Variants in SDK2 observed in about 807,000 individuals in gnomAD.
SDK2 encodes the protein protein sidekick-2.
In SDK2, 105 loss-of-function variants were observed where a neutral mutation model predicts 253.9. That is an observed-to-expected ratio of 0.41 (90% CI 0.35 to 0.49). The LOEUF is 0.49. Ranked by LOEUF, SDK2 falls within the 20% of genes least tolerant of loss-of-function variation. The pLI is 0.06. For missense variants in SDK2, 2,608 were observed against 3,003.0 expected, an observed-to-expected ratio of 0.87 and a Z score of 3.07; for synonymous variants, 1,249 against 1,234.9, an observed-to-expected ratio of 1.01 and a Z score of -0.24.
rs78456403 is a variant in SDK2, at chr17:73,384,980, T to C, written c.4569+867A>G. On this transcript the variant is annotated intron_variant, in intron 32 of 44. Coordinates refer to ENST00000392650, the MANE Select transcript of SDK2 (RefSeq NM_001144952.2). ...CCGGTCACAGGTGCACTAAGTCATGTTTATCTACGGGAGCGTCCTCTCCTT... is the reference window on the plus strand; with the variant it reads ...CCGGTCACAGGTGCACTAAGTCATGCTTATCTACGGGAGCGTCCTCTCCTT... Among the ~76,000 whole-genome samples the C allele has an allele frequency of 9.1e-3, 1,385 of 152,258 alleles. 36 individuals are homozygous for C. The highest frequency in any genetic ancestry group is 0.087 in the East Asian group (448 of 5,172).
At chr17:73,487,600 C>T (rs1201027467) in intron 2 of SDK2, among the ~76,000 whole-genome samples, 5 of 152,240 alleles carry the variant, frequency 3.3e-5, no homozygotes. Flanking sequence ...AATGCAGAAT[C>T]TTGGGCCCCA....
Position 73,379,648 on chromosome 17 carries a change from G to A in SDK2, c.4763-99C>T. On this transcript the variant is annotated intron_variant, in intron 34 of 44. Coordinates refer to ENST00000392650, the MANE Select transcript of SDK2 (RefSeq NM_001144952.2). This position sits in a 1 kb window ranked among gnomAD's most constrained non-coding sequence, Gnocchi z 4.5. ...TGGAGGCTGCAGGGGGAGGAATGAG[G>A]CACCCCCGCCATTCTAGCCCCCTCT... The A allele has an allele frequency of 1.4e-6, 1 of 711,318 alleles. No individual in the cohort carries two copies. The highest frequency in any genetic ancestry group is 2.4e-6 in the Non-Finnish European group (1 of 420,934). 44.1% of individuals were successfully genotyped at this position (711,318 alleles called of 1,614,324 possible).
chr17:73,397,187 G>A lies in SDK2; in HGVS notation c.3354+848C>T, dbSNP rs527857136. On this transcript the variant is annotated intron_variant, in intron 24 of 44. Coordinates refer to ENST00000392650, the MANE Select transcript of SDK2 (RefSeq NM_001144952.2). Reference sequence around the variant, plus strand: ...TGGATTCTCTATGGAGCTGTGGTATGTGGTGCTGTTCCCACATTTATTTGT... The same window carrying A: ...TGGATTCTCTATGGAGCTGTGGTATATGGTGCTGTTCCCACATTTATTTGT... Among the ~76,000 whole-genome samples, 6 of 152,332 alleles carry A rather than the reference G, an allele frequency of 3.9e-5. No individual in the cohort carries two copies. The East Asian group carries it at 1.2e-3, about 29-fold the overall frequency.
intron 13 of SDK2, 48 bp downstream of exon 13, chr17:73,423,868 G>A (rs779059574): frequency 3.4e-6 from 5 of 1,451,700 alleles, no homozygotes; most frequent in Middle Eastern, 2.1e-4. Flanking sequence ...CATGCCAGTT[G>A]CTATTGCCTG....
chr17:73,574,270 A>C (rs1450934905), intron 1 of SDK2, among the ~76,000 whole-genome samples: 1 of 152,224 alleles, frequency 6.6e-6, no homozygotes, highest in Non-Finnish European at 1.5e-5. Context: ...TGTAATATCT[A>C]TTAATTTAGG....
intron 6 of SDK2, 107 bp from the exon 7 acceptor site, chr17:73,438,261 G>C: frequency 9.5e-7 from 1 of 1,057,338 alleles, no homozygotes. Flanking sequence ...CGGGCTGCCT[G>C]GGTTTGCCAC....
intron 40 of SDK2, among the ~76,000 whole-genome samples, chr17:73,354,615 C>T (rs1023046323): frequency 5.3e-5 from 8 of 152,166 alleles, no homozygotes; most frequent in Non-Finnish European, 8.8e-5. Flanking sequence ...AGTAGAAGGA[C>T]GTCAGTGAGG....
At chr17:73,553,905 G>A (rs1375497181) in intron 1 of SDK2, among the ~76,000 whole-genome samples, 2 of 152,156 alleles carry the variant, frequency 1.3e-5, no homozygotes, top group African/African-American at 4.8e-5. Context: ...ACCTCTTCAA[G>A]GGGAGATACC....
chr17:73,641,386 G>A (rs1183976269), intron 1 of SDK2, among the ~76,000 whole-genome samples: 1 of 152,180 alleles, frequency 6.6e-6, no homozygotes, highest in Non-Finnish European at 1.5e-5. Flanking sequence ...CCTTGCAGAA[G>A]GCCTCTCTTC....
intron 12 of SDK2, among the ~76,000 whole-genome samples, chr17:73,426,366 C>A (rs1354290623): frequency 6.6e-6 from 1 of 151,918 alleles, no homozygotes; most frequent in Non-Finnish European, 1.5e-5. Context: ...CACGCCTGAC[C>A]AGTCATCCTG....
intron 1 of SDK2, among the ~76,000 whole-genome samples, chr17:73,575,024 G>A (rs1360455740): frequency 6.6e-6 from 1 of 152,228 alleles, no homozygotes; most frequent in African/African-American, 2.4e-5. Context: ...TGCTCGTATA[G>A]TCTCAGACAA....
At chr17:73,620,703 C>G (rs906533236) in intron 1 of SDK2, among the ~76,000 whole-genome samples, 3 of 152,244 alleles carry the variant, frequency 2.0e-5, no homozygotes, top group African/African-American at 7.2e-5. Flanking sequence ...AGTACTGCTA[C>G]AAGCTTCAAC....
chr17:73,622,115 C>A (rs914739472), intron 1 of SDK2, among the ~76,000 whole-genome samples: 29 of 152,222 alleles, frequency 1.9e-4, no homozygotes, highest in African/African-American at 6.8e-4. Flanking sequence ...AGTCAGCTTC[C>A]TACCATAGTG....
chr17:73,502,931 C>T (rs117479361), intron 2 of SDK2, among the ~76,000 whole-genome samples: 2,047 of 152,278 alleles, frequency 0.013, 19 homozygotes, highest in Non-Finnish European at 0.02. Flanking sequence ...TCACCAATAA[C>T]GGGGCAAATT....
chr17:73,634,923 A>T (rs2046311749), intron 1 of SDK2, among the ~76,000 whole-genome samples: 1 of 152,084 alleles, frequency 6.6e-6, no homozygotes, highest in Non-Finnish European at 1.5e-5. Flanking sequence ...AACTCATCCA[A>T]GGTCACCCAG....
chr17:73,390,434 T>G lies in SDK2; in HGVS notation c.4045A>C (p.Thr1349Pro). 1.2e-6 allele frequency: 2 copies of G among 1,612,490 alleles called. No homozygotes were observed. The highest frequency in any genetic ancestry group is 1.7e-6 in the Non-Finnish European group (2 of 1,179,290). ...GCGCTGGGTGCCAGCACCTCCACAG[T>G]GGCGGTGTTGGCCGTGGTGGTGTTG... ...RLNTTTANTA[T>P]VEVLAPSARQ... Residue 1349 changes from threonine (T) to proline (P), a missense_variant, in exon 29 of 45, where the codon ACT becomes CCT. This residue lies in a region of SDK2 where 1,103 missense variants were observed against 1,143.9 expected (regional missense o/e 0.96). Transcript: ENST00000392650.
chr17:73,607,460 C>A lies in SDK2; in HGVS notation c.64+36565G>T, dbSNP rs957517758. Among the ~76,000 whole-genome samples, 18 of 152,166 alleles carry A rather than the reference C, an allele frequency of 1.2e-4. No homozygotes were observed. In the East Asian group the frequency reaches 3.5e-3, roughly 29 times the overall value. ...GGCATTTGGGATCTACCGGGGGACCCTTAAGACAAAGATTGCTGCCCCTGG... is the reference window on the plus strand; with the variant it reads ...GGCATTTGGGATCTACCGGGGGACCATTAAGACAAAGATTGCTGCCCCTGG... On this transcript the variant is annotated intron_variant, in intron 1 of 44. Coordinates refer to ENST00000392650, the MANE Select transcript of SDK2 (RefSeq NM_001144952.2).
chr17:73,365,238 G>C lies in SDK2; in HGVS notation c.5305+20C>G. 6.3e-7 allele frequency: 1 copy of C among 1,579,956 alleles called. No individual in the cohort carries two copies. Among genetic ancestry groups the C allele is most frequent in the Non-Finnish European group, 8.6e-7 (1 of 1,163,350 alleles). ...TTGCAAAGTGGGGGGCTGGGGAGCT[G>C]TGCTGGGGGGTCCACTCACCATCCA... On this transcript the variant is annotated intron_variant, in intron 38 of 44. Transcript: ENST00000392650.
At chr17:73,385,987 C>G in intron 31 of SDK2, 70 bp from the exon 32 acceptor site, 2 of 1,174,120 alleles carry the variant, frequency 1.7e-6, no homozygotes, top group Non-Finnish European at 2.4e-6. Flanking sequence ...CCACTGAGAC[C>G]AGATTCTGCT....
Sources: allele counts gnomAD v4.1 joint callset (sites outside exome capture counted in the v4.1 genomes callset), GRCh38; gene constraint gnomAD v4.1.1; regional missense constraint gnomAD v4.1.1; non-coding constraint Gnocchi (gnomAD v3.1); transcripts MANE v1.5; gene names NCBI Gene and HGNC (gene_info 2026-07-23, HGNC 2026-07-21).